The following CSMD1 variants were observed in gnomAD, a reference collection of about 807,000 sequenced individuals.
CSMD1 encodes the protein CUB and Sushi multiple domains 1.
In CSMD1, 213 loss-of-function variants were observed where a neutral mutation model predicts 417.5. The ratio of observed to expected loss-of-function variants is 0.51; its 90% CI spans 0.46 to 0.57. The LOEUF (loss-of-function observed/expected upper bound fraction) is 0.57, where lower values mean the gene tolerates loss of function less well. Ranked by LOEUF, CSMD1 falls within the 20% of genes least tolerant of loss-of-function variation. CSMD1 has a pLI of 0.00. For missense variants in CSMD1, 6,923 were observed against 4,529.7 expected, an observed-to-expected ratio of 1.53 and a Z score of -15.17; for synonymous variants, 2,862 against 1,736.8, an observed-to-expected ratio of 1.65 and a Z score of -16.11.
chr8:3,956,676 C>G (rs1811970307), intron 5 of CSMD1, among the ~76,000 whole-genome samples: 2 of 152,112 alleles, frequency 1.3e-5, no homozygotes, highest in Non-Finnish European at 2.9e-5. Flanking sequence ...TTATGAGTTA[C>G]TACCCGATGT....
At chr8:2,959,656 G>A (rs1369212611) in intron 62 of CSMD1, among the ~76,000 whole-genome samples, 2 of 152,144 alleles carry the variant, frequency 1.3e-5, no homozygotes, top group East Asian at 3.9e-4. Flanking sequence ...TGGAGAACGG[G>A]AGGTAGTCAT....
At chr8:4,500,041 G>C (rs929964678) in intron 2 of CSMD1, among the ~76,000 whole-genome samples, 8 of 151,652 alleles carry the variant, frequency 5.3e-5, no homozygotes, top group African/African-American at 1.7e-4. Context: ...GAGGTGAAAA[G>C]TATAAAGAGG....
intron 3 of CSMD1, among the ~76,000 whole-genome samples, chr8:4,292,161 C>A (rs1432843633): frequency 6.6e-6 from 1 of 152,190 alleles, no homozygotes; most frequent in East Asian, 1.9e-4. Context: ...CCAGGTGAGC[C>A]CGGTCATAGA....
chr8:4,194,210 T>C (rs1022984096), intron 3 of CSMD1, among the ~76,000 whole-genome samples: 3 of 152,128 alleles, frequency 2.0e-5, no homozygotes, highest in Non-Finnish European at 2.9e-5. Flanking sequence ...ACTAAATTTC[T>C]TTCGTCCAGC....
chr8:4,523,469 C>T (rs1803590262), intron 2 of CSMD1, among the ~76,000 whole-genome samples: 1 of 152,082 alleles, frequency 6.6e-6, no homozygotes, highest in Non-Finnish European at 1.5e-5. Context: ...AATATTGAAA[C>T]ACATATGTTA....
At chr8:4,147,666 G>A (rs528645728) in intron 3 of CSMD1, among the ~76,000 whole-genome samples, 1 of 152,096 alleles carries the variant, frequency 6.6e-6, no homozygotes, top group Non-Finnish European at 1.5e-5. Flanking sequence ...TGGCTCATGG[G>A]AACCCCATTC....
intron 1 of CSMD1, among the ~76,000 whole-genome samples, chr8:4,970,494 T>C (rs138402190): frequency 6.6e-6 from 1 of 152,244 alleles, no homozygotes; most frequent in East Asian, 1.9e-4. Flanking sequence ...AACCCCATTC[T>C]CATGGAATAG....
At chr8:3,511,204 G>A (rs535732411) in intron 10 of CSMD1, among the ~76,000 whole-genome samples, 1 of 151,638 alleles carries the variant, frequency 6.6e-6, no homozygotes, top group Non-Finnish European at 1.5e-5. Flanking sequence ...CACAGGAAGG[G>A]GAATATCATA....
At chr8:4,202,294 TGAA>T (rs567663703) in intron 3 of CSMD1, among the ~76,000 whole-genome samples, 69 of 152,308 alleles carry the variant, frequency 4.5e-4, no homozygotes, top group South Asian at 1.0e-3. Context: ...TTTAAAAAAA[TGAA>T]GCATCTGCCT....
At chr8:3,908,291 C>G (rs182238574) in intron 5 of CSMD1, among the ~76,000 whole-genome samples, 1 of 152,052 alleles carries the variant, frequency 6.6e-6, no homozygotes, top group East Asian at 1.9e-4. Context: ...TTCCCAACAT[C>G]GCATATATCA....
At chr8:4,653,184 G>A (rs561089027) in intron 1 of CSMD1, among the ~76,000 whole-genome samples, 97 of 152,018 alleles carry the variant, frequency 6.4e-4, no homozygotes, top group Non-Finnish European at 1.2e-3. Context: ...GATCTGACTG[G>A]TCACAGCAGG....
intron 7 of CSMD1, among the ~76,000 whole-genome samples, chr8:3,694,653 C>A (rs952708562): frequency 6.6e-6 from 1 of 151,836 alleles, no homozygotes; most frequent in Non-Finnish European, 1.5e-5. Context: ...TGGGTGGACA[C>A]AGCAGTGGAG....
intron 3 of CSMD1, among the ~76,000 whole-genome samples, chr8:4,254,756 T>C (rs1803333298): frequency 6.6e-6 from 1 of 152,178 alleles, no homozygotes; most frequent in Non-Finnish European, 1.5e-5. Flanking sequence ...GTCTTACCAT[T>C]GTGTTACAGT....
At position 3,406,049 on chromosome 8, in the gene CSMD1, G is replaced by A. The variant is rs146267457; in HGVS notation, c.2244C>T (p.Ser748=). The change falls in exon 15 of 70, where the codon AGC becomes AGT. Residue 748 remains serine, a synonymous_variant. Transcript: ENST00000635120. ...CACCTTCACAGCGGGGCACGGTGGAGCTCCAGACCACGTTCCCGTCTTGCA... is the reference window on the plus strand; with the variant it reads ...CACCTTCACAGCGGGGCACGGTGGAACTCCAGACCACGTTCCCGTCTTGCA... ...CILQDGNVVW[S]STVPRCEAPC... The A allele has an allele frequency of 2.9e-3, 4,722 of 1,613,882 alleles. 29 individuals are homozygous for A. Among genetic ancestry groups the A allele is most frequent in the Middle Eastern group, 0.013 (76 of 6,060 alleles).
intron 18 of CSMD1, among the ~76,000 whole-genome samples, chr8:3,369,849 A>C (rs972896996): frequency 6.6e-6 from 1 of 152,256 alleles, no homozygotes; most frequent in Non-Finnish European, 1.5e-5. Context: ...TGGGAGCTTA[A>C]GTGCTCAACT....
intron 3 of CSMD1, among the ~76,000 whole-genome samples, chr8:4,279,374 G>T (rs1335613122): frequency 6.6e-6 from 1 of 152,156 alleles, no homozygotes; most frequent in East Asian, 1.9e-4. Flanking sequence ...TCAACAGAAT[G>T]TCAAGTATCT....
At chr8:4,700,870 C>T (rs375460057) in intron 1 of CSMD1, among the ~76,000 whole-genome samples, 2 of 152,024 alleles carry the variant, frequency 1.3e-5, no homozygotes, top group Non-Finnish European at 2.9e-5. Context: ...AACAATAGAC[C>T]TACAGTGCTC....
intron 5 of CSMD1, among the ~76,000 whole-genome samples, chr8:3,802,355 T>G (rs1218505324): frequency 6.6e-6 from 1 of 152,194 alleles, no homozygotes; most frequent in Admixed American, 6.5e-5. Flanking sequence ...TGTATATGTG[T>G]GCATGTGCTT....
chr8:4,150,872 G>T (rs1029036997), intron 3 of CSMD1, among the ~76,000 whole-genome samples: 1 of 90,678 alleles, frequency 1.1e-5, no homozygotes, highest in Non-Finnish European at 2.2e-5. Context: ...ATAAAAAAAT[G>T]TCCTGCTGAG....
Sources: allele counts gnomAD v4.1 joint callset (sites outside exome capture counted in the v4.1 genomes callset), GRCh38; gene constraint gnomAD v4.1.1; transcripts MANE v1.5; gene names NCBI Gene and HGNC (gene_info 2026-07-23, HGNC 2026-07-21).